The following OSBPL11 variants were observed in gnomAD, a reference collection of about 807,000 sequenced individuals.
OSBPL11 encodes oxysterol binding protein like 11, also known as oxysterol-binding protein-related protein 11.
OSBPL11 carries 33 observed loss-of-function variants against 84.4 expected under a neutral mutation model. The ratio of observed to expected loss-of-function variants is 0.39; its 90% confidence interval spans 0.30 to 0.52. OSBPL11 has a LOEUF of 0.52. OSBPL11 is among the 20% of genes least tolerant of loss of function. OSBPL11 has a pLI of 0.72. For missense variants in OSBPL11, 736 were observed against 901.1 expected (o/e 0.82, Z 2.35); for synonymous variants, 276 against 310.2 (o/e 0.89, Z 1.16).
At chr3:125,553,123 C>T (rs1178599508) in intron 8 of OSBPL11, among the ~76,000 whole-genome samples, 6 of 152,012 alleles carry the variant, frequency 3.9e-5, no homozygotes, top group African/African-American at 1.4e-4. Flanking sequence ...ACAACAACAA[C>T]AAAAAAGCAT....
In OSBPL11 at chr3:125,563,972, CAAG is replaced by C; in HGVS notation, c.869-132_869-130del. The stretch of plus-strand genomic sequence containing the variant: ...CAATTAAACCTGTTAAGAGACCCTG[CAAG>C]ACAGCCACTTATATCTCATTAGCAT... On this transcript the variant is annotated intron_variant, in intron 6 of 12. Coordinates refer to ENST00000296220, the MANE Select transcript of OSBPL11 (RefSeq NM_022776.5). 4 of 927,116 alleles carry C rather than the reference CAAG, an allele frequency of 4.3e-6. No homozygotes were observed. The South Asian group carries it at 6.7e-5, about 16-fold the overall frequency. 57.4% of individuals were successfully genotyped at this position (927,116 alleles called of 1,614,324 possible). A position where few individuals can be genotyped will look rare whatever the true frequency, so the allele number is the denominator to read the frequency against.
At chr3:125,534,566 T>C (rs527860176) in intron 11 of OSBPL11, among the ~76,000 whole-genome samples, 104 of 150,832 alleles carry the variant, frequency 6.9e-4, no homozygotes, top group Admixed American at 5.9e-4. Context: ...TCAACACATT[T>C]GTAAATAAGT....
intron 5 of OSBPL11, among the ~76,000 whole-genome samples, chr3:125,571,462 C>T (rs1936240649): frequency 6.6e-6 from 1 of 152,166 alleles, no homozygotes; most frequent in African/African-American, 2.4e-5. Context: ...GGGAAAATGT[C>T]TCCAGGGCAT....
At chr3:125,579,731 A>C in intron 3 of OSBPL11, 134 bp downstream of exon 3, 1 of 769,762 alleles carries the variant, frequency 1.3e-6, no homozygotes, top group African/African-American at 1.8e-5. Flanking sequence ...AGCAGTTCCA[A>C]GGTTCAGAAT....
intron 12 of OSBPL11, 150 bp downstream of exon 12, chr3:125,531,711 G>T: frequency 1.5e-6 from 1 of 645,462 alleles, no homozygotes; most frequent in Non-Finnish European, 2.4e-6. Context: ...AGGTTACCCA[G>T]GCTGGTCTCA....
At chr3:125,535,101 TA>T (rs1342575417) in intron 11 of OSBPL11, among the ~76,000 whole-genome samples, 6 of 151,622 alleles carry the variant, frequency 4.0e-5, no homozygotes, top group Admixed American at 3.9e-4. Context: ...GTAAAATTAA[TA>T]AACTTTTAGT....
intron 1 of OSBPL11, among the ~76,000 whole-genome samples, chr3:125,589,737 G>A (rs1204608809): frequency 3.9e-5 from 6 of 151,960 alleles, no homozygotes; most frequent in Non-Finnish European, 8.8e-5. Flanking sequence ...TTTCCCATCC[G>A]CGAACAGGCA....
intron 1 of OSBPL11, among the ~76,000 whole-genome samples, chr3:125,586,250 A>G (rs1326151367): frequency 6.6e-6 from 1 of 152,198 alleles, no homozygotes; most frequent in Non-Finnish European, 1.5e-5. Context: ...CTAATACACT[A>G]AAAAATAAGC....
chr3:125,545,188 A>G (rs1935792531), intron 10 of OSBPL11, among the ~76,000 whole-genome samples: 1 of 152,208 alleles, frequency 6.6e-6, no homozygotes, highest in Non-Finnish European at 1.5e-5. Context: ...ACTGTCTGTT[A>G]TTTTACTCGA....
At chr3:125,560,654 A>G in intron 7 of OSBPL11, 135 bp from the exon 8 acceptor site, 1 of 708,188 alleles carries the variant, frequency 1.4e-6, no homozygotes, top group Non-Finnish European at 2.1e-6. Context: ...AAAATCTTTC[A>G]GAAATACAAC....
Position 125,559,419 on chromosome 3 carries a change from C to T in OSBPL11, c.1155+960G>A, listed in dbSNP as rs552305174. Reference sequence around the variant, plus strand: ...GCCTTTTTTTTTAGTGATGGAGTCTCGTTCTGTTGCCCAGACTGGAGCGCA... The same window carrying T: ...GCCTTTTTTTTTAGTGATGGAGTCTTGTTCTGTTGCCCAGACTGGAGCGCA... On this transcript the variant is annotated intron_variant, in intron 8 of 12. Transcript: ENST00000296220. Among the ~76,000 whole-genome samples, 243 of 152,164 alleles carry T rather than the reference C, an allele frequency of 1.6e-3. 7 individuals are homozygous for T. The highest frequency in any genetic ancestry group is 4.4e-3 in the South Asian group (21 of 4,820).
In OSBPL11 at chr3:125,594,862, G is replaced by A. The variant is rs1207628687; in HGVS notation, c.-62C>T. The A allele has an allele frequency of 4.7e-5, 72 of 1,531,632 alleles. No homozygotes were observed. The highest frequency in any genetic ancestry group is 6.3e-5 in the Non-Finnish European group (72 of 1,137,708). The allele number at this position is 1,531,632 out of a possible 1,614,324, so 94.9% of individuals were successfully genotyped here. Reference sequence around the variant, plus strand: ...AGAGAACAATTCTGTAGTTCTGTAGGTGACTTTTTTTTTTTAAGATTTGAT... The same window carrying A: ...AGAGAACAATTCTGTAGTTCTGTAGATGACTTTTTTTTTTTAAGATTTGAT... On this transcript the variant is annotated 5_prime_UTR_variant, in exon 1 of 13. Transcript: ENST00000296220.
rs1208185417 is a variant in OSBPL11, at chr3:125,543,889, G to GA, written c.1841+3516dup. The stretch of plus-strand genomic sequence containing the variant: ...CACTCCAGCCTGGGCGACAGAGTGA[G>GA]ACTCCATCTCAAAAATAAAAATAAA... On this transcript the variant is annotated intron_variant, in intron 10 of 12. Coordinates refer to ENST00000296220, the MANE Select transcript of OSBPL11 (RefSeq NM_022776.5). 8.6e-5 allele frequency among the ~76,000 whole-genome samples: 13 copies of GA among 152,000 alleles called. No individual in the cohort carries two copies. The East Asian group carries it at 2.3e-3, about 27-fold the overall frequency.
chr3:125,579,379 C>T lies in OSBPL11; in HGVS notation c.410-340G>A, dbSNP rs922317196. Among the ~76,000 whole-genome samples, 4 of 152,138 alleles carry T rather than the reference C, an allele frequency of 2.6e-5. No individual in the cohort carries two copies. In the South Asian group the frequency reaches 6.2e-4, roughly 24 times the overall value. On this transcript the variant is annotated intron_variant, in intron 3 of 12. Transcript: ENST00000296220. Reference sequence around the variant, plus strand: ...CAATACTTTCAGATCTGCAGGAGCACGCTCACTTAGGATTACCATTATACT... The same window carrying T: ...CAATACTTTCAGATCTGCAGGAGCATGCTCACTTAGGATTACCATTATACT...
intron 8 of OSBPL11, among the ~76,000 whole-genome samples, chr3:125,556,793 T>G (rs1935996401): frequency 6.6e-6 from 1 of 152,092 alleles, no homozygotes; most frequent in African/African-American, 2.4e-5. Flanking sequence ...TAGCAAAAAG[T>G]AGAGGGATAA....
intron 9 of OSBPL11, among the ~76,000 whole-genome samples, chr3:125,549,213 G>A (rs1030262804): frequency 4.6e-5 from 7 of 152,086 alleles, no homozygotes; most frequent in Non-Finnish European, 8.8e-5. Flanking sequence ...TAATAGAGAC[G>A]GGGTTTCCCC....
chr3:125,542,329 TTTC>T (rs1261663687), intron 10 of OSBPL11, among the ~76,000 whole-genome samples: 4 of 138,048 alleles, frequency 2.9e-5, no homozygotes, highest in Non-Finnish European at 6.2e-5. Context: ...TGCTTTTTCT[TTTC>T]TTTCTTTTTT....
intron 9 of OSBPL11, among the ~76,000 whole-genome samples, chr3:125,551,838 A>G (rs1241323425): frequency 3.9e-5 from 6 of 152,112 alleles, no homozygotes; most frequent in Non-Finnish European, 8.8e-5. Context: ...AATAATTTAA[A>G]AAGAGAATTT....
intron 10 of OSBPL11, among the ~76,000 whole-genome samples, chr3:125,544,057 C>T (rs910934392): frequency 6.6e-6 from 1 of 151,444 alleles, no homozygotes; most frequent in African/African-American, 2.4e-5. Flanking sequence ...GATGAGCATC[C>T]TTATGAACCA....
Sources: allele counts gnomAD v4.1 joint callset (sites outside exome capture counted in the v4.1 genomes callset), GRCh38; gene constraint gnomAD v4.1.1; transcripts MANE v1.5; gene names NCBI Gene and HGNC (gene_info 2026-07-23, HGNC 2026-07-21).